UBQLN1: variants seen among roughly 807,000 people sequenced by gnomAD.
UBQLN1 encodes ubiquilin 1.
A neutral mutation model predicts 65.4 loss-of-function variants in UBQLN1; 13 were observed. The observed-to-expected ratio is 0.20, with a 90% CI of 0.13 to 0.32. The LOEUF (loss-of-function observed/expected upper bound fraction) is 0.32, where lower values mean the gene tolerates loss of function less well. Among genes scored for constraint, UBQLN1 ranks in the 10% least tolerant of loss-of-function variants. The pLI is 1.00. For missense variants in UBQLN1, 561 were observed against 724.0 expected (o/e 0.77, Z 2.58); for synonymous variants, 267 against 247.8 (o/e 1.08, Z -0.73).
chr9:83,670,964 T>C (rs1194889945), intron 6 of UBQLN1, among the ~76,000 whole-genome samples: 1 of 152,144 alleles, frequency 6.6e-6, no homozygotes, highest in Non-Finnish European at 1.5e-5. Flanking sequence ...CCACCTCTTT[T>C]TTTCTTTTTA....
intron 1 of UBQLN1, among the ~76,000 whole-genome samples, chr9:83,705,017 A>G (rs1286625744): frequency 2.0e-5 from 3 of 152,190 alleles, no homozygotes; most frequent in Non-Finnish European, 4.4e-5. Flanking sequence ...AAATGCTGAA[A>G]GCACCCAGGA....
intron 1 of UBQLN1, among the ~76,000 whole-genome samples, chr9:83,691,179 T>C (rs1832122427): frequency 7.2e-6 from 1 of 139,148 alleles, no homozygotes; most frequent in Admixed American, 7.5e-5. Flanking sequence ...TATATACATA[T>C]ATATATACAC....
rs1475996926 is a variant in UBQLN1, at chr9:83,688,120, G to A, written c.181-1965C>T. On this transcript the variant is annotated intron_variant, in intron 1 of 10. Coordinates refer to ENST00000376395, the MANE Select transcript of UBQLN1 (RefSeq NM_013438.5). The stretch of plus-strand genomic sequence containing the variant: ...CGAAATAGTAATATAATGAATGGCA[G>A]AACACATGGTTTGTAAGAATTAAAC... Among the ~76,000 whole-genome samples the A allele has an allele frequency of 2.0e-5, 3 of 152,234 alleles. No individual in the cohort carries two copies. In the East Asian group the frequency reaches 5.8e-4, roughly 29 times the overall value.
intron 1 of UBQLN1, among the ~76,000 whole-genome samples, chr9:83,693,044 T>C (rs1832154425): frequency 6.6e-6 from 1 of 152,190 alleles, no homozygotes. Flanking sequence ...AGTATCCATA[T>C]TTCCTACAAA....
intron 1 of UBQLN1, among the ~76,000 whole-genome samples, chr9:83,699,900 A>T (rs146131444): frequency 3.3e-5 from 5 of 152,340 alleles, no homozygotes; most frequent in Admixed American, 3.3e-4. Context: ...ACCCATTATA[A>T]GCAATGGCTC....
chr9:83,707,444 G>C, intron 1 of UBQLN1, 56 bp downstream of exon 1: 1 of 1,526,680 alleles, frequency 6.6e-7, no homozygotes, highest in Non-Finnish European at 8.8e-7. Flanking sequence ...TCCTGGGGCG[G>C]CGGGCGGAGG....
rs535692362 is a variant in UBQLN1, at chr9:83,698,344, T to C, written c.180+9156A>G. On this transcript the variant is annotated intron_variant, in intron 1 of 10. Coordinates refer to ENST00000376395, the MANE Select transcript of UBQLN1 (RefSeq NM_013438.5). ...TAATTCAGCAGTCACTAGCTACATA[T>C]GGCTATTAAGCACCTGAAATGTGGC... 5.9e-5 allele frequency among the ~76,000 whole-genome samples: 9 copies of C among 152,338 alleles called. No homozygotes were observed. The East Asian group carries it at 1.5e-3, about 26-fold the overall frequency.
At chr9:83,680,115 C>T (rs1831916052) in intron 3 of UBQLN1, 78 bp from the exon 4 acceptor site, 3 of 1,435,948 alleles carry the variant, frequency 2.1e-6, no homozygotes, top group Non-Finnish European at 2.8e-6. Flanking sequence ...TATGAAGATG[C>T]AAAAAAGTAT....
chr9:83,678,091 G>A (rs1831872081), intron 5 of UBQLN1, 130 bp from the exon 6 acceptor site: 7 of 701,552 alleles, frequency 1.0e-5, no homozygotes, highest in African/African-American at 7.5e-5. Flanking sequence ...GCGCGATCTC[G>A]GCTCACTGCA....
At chr9:83,672,782 G>C (rs1399573910) in intron 6 of UBQLN1, among the ~76,000 whole-genome samples, 1 of 152,168 alleles carries the variant, frequency 6.6e-6, no homozygotes, top group African/African-American at 2.4e-5. Flanking sequence ...TCAATGCAGG[G>C]TCACTGCAAA....
intron 3 of UBQLN1, 33 bp from the exon 4 acceptor site, chr9:83,680,070 A>G (rs1349613428): frequency 6.4e-7 from 1 of 1,564,616 alleles, no homozygotes. Context: ...CATACAAATC[A>G]AAGTCAGAAA....
At chr9:83,671,715 T>C (rs950817979) in intron 6 of UBQLN1, among the ~76,000 whole-genome samples, 3 of 152,266 alleles carry the variant, frequency 2.0e-5, no homozygotes, top group Middle Eastern at 3.4e-3. Context: ...GCAGAATAGA[T>C]CTAGCATAAT....
At chr9:83,687,861 AG>A (rs1780617297) in intron 1 of UBQLN1, among the ~76,000 whole-genome samples, 1 of 152,222 alleles carries the variant, frequency 6.6e-6, no homozygotes, top group African/African-American at 2.4e-5. Flanking sequence ...AAAAGCATAA[AG>A]ATAACACAAA....
chr9:83,675,960 TG>T (rs1831825318), intron 6 of UBQLN1, among the ~76,000 whole-genome samples: 1 of 152,130 alleles, frequency 6.6e-6, no homozygotes, highest in African/African-American at 2.4e-5. Context: ...AAAAAATTTG[TG>T]GGAATTTGTT....
At chr9:83,697,076 A>G (rs1395747917) in intron 1 of UBQLN1, among the ~76,000 whole-genome samples, 1 of 152,072 alleles carries the variant, frequency 6.6e-6, no homozygotes, top group Non-Finnish European at 1.5e-5. Context: ...ACACCTAGCT[A>G]TTCAATGAAC....
intron 8 of UBQLN1, 37 bp from the exon 9 acceptor site, chr9:83,665,182 T>A: frequency 6.8e-7 from 1 of 1,464,324 alleles, no homozygotes; most frequent in Non-Finnish European, 9.4e-7. Flanking sequence ...ACAAAGGAAT[T>A]AAAATCAGTG....
intron 6 of UBQLN1, 117 bp downstream of exon 6, chr9:83,677,610 T>C (rs758388099): frequency 1.4e-6 from 1 of 727,146 alleles, no homozygotes; most frequent in Non-Finnish European, 2.1e-6. Flanking sequence ...AAATATAGTT[T>C]ATAAAAGATA....
chr9:83,686,467 TGTTA>T (rs1291874416), intron 1 of UBQLN1, among the ~76,000 whole-genome samples: 3 of 152,206 alleles, frequency 2.0e-5, no homozygotes, highest in Non-Finnish European at 4.4e-5. Flanking sequence ...AGTATCTTGA[TGTTA>T]GTAAGAAATG....
At chr9:83,705,932 G>A (rs1042047716) in intron 1 of UBQLN1, among the ~76,000 whole-genome samples, 3 of 150,336 alleles carry the variant, frequency 2.0e-5, no homozygotes, top group South Asian at 2.1e-4. Flanking sequence ...TGTAACTTAG[G>A]GCATAAAAAA....
Sources: allele counts gnomAD v4.1 joint callset (sites outside exome capture counted in the v4.1 genomes callset), GRCh38; gene constraint gnomAD v4.1.1; transcripts MANE v1.5; gene names NCBI Gene and HGNC (gene_info 2026-07-23, HGNC 2026-07-21).